Variants in COL4A5 observed in about 807,000 individuals in gnomAD.
The protein encoded by COL4A5 is collagen type IV alpha 5 chain.
In COL4A5, 26 loss-of-function variants were observed where a neutral mutation model predicts 130.2. The ratio of observed to expected loss-of-function variants is 0.20; its 90% confidence interval spans 0.15 to 0.28. The LOEUF is 0.28. COL4A5 is among the 10% of genes least tolerant of loss of function. COL4A5 has a pLI of 1.00. For synonymous variants in COL4A5, 496 were observed against 439.6 expected (o/e 1.13, Z -1.60); for missense variants, 1,131 against 1,344.3 (o/e 0.84, Z 2.48).
chrX:108,600,221 T>G (rs2066602843), intron 25 of COL4A5, among the ~76,000 whole-genome samples: 1 of 112,036 alleles, frequency 8.9e-6, no homozygotes, highest in Non-Finnish European at 1.9e-5. Flanking sequence ...TCTTTATATA[T>G]TCTGTGCATT....
chrX:108,513,992 G>C (rs2065201352), intron 1 of COL4A5, among the ~76,000 whole-genome samples: 1 of 111,813 alleles, frequency 8.9e-6, no homozygotes, highest in Admixed American at 9.5e-5. Context: ...CAGTATTCCA[G>C]TACCATTTTT....
intron 1 of COL4A5, among the ~76,000 whole-genome samples, chrX:108,534,328 A>G (rs1309050782): frequency 5.4e-5 from 6 of 112,112 alleles, no homozygotes; most frequent in African/African-American, 1.6e-4. Context: ...AAGATATGCA[A>G]TTAACCTAAG....
chrX:108,510,891 A>G, intron 1 of COL4A5, among the ~76,000 whole-genome samples: 1 of 111,394 alleles, frequency 9.0e-6, no homozygotes, highest in East Asian at 2.8e-4. Context: ...CATGGGGTGC[A>G]TAGTGATGTT....
chrX:108,461,206 A>G (rs1427061472), intron 1 of COL4A5, among the ~76,000 whole-genome samples: 2 of 111,999 alleles, frequency 1.8e-5, no homozygotes, highest in Non-Finnish European at 3.8e-5. Context: ...GAATTTGCAG[A>G]TTGACAACCT....
chrX:108,502,574 C>T (rs768223946), intron 1 of COL4A5, among the ~76,000 whole-genome samples: 7 of 111,974 alleles, frequency 6.3e-5, no homozygotes, highest in South Asian at 3.7e-4. Flanking sequence ...CATGAGCCAC[C>T]GCGCCCGGCT....
intron 1 of COL4A5, among the ~76,000 whole-genome samples, chrX:108,497,596 T>G (rs1325009139): frequency 9.0e-6 from 1 of 111,644 alleles, no homozygotes; most frequent in African/African-American, 3.3e-5. Context: ...CCTTTAGCAA[T>G]TAGTTGAAAT....
intron 2 of COL4A5, among the ~76,000 whole-genome samples, chrX:108,545,924 T>A (rs2065643175): frequency 9.0e-6 from 1 of 111,505 alleles, no homozygotes; most frequent in Non-Finnish European, 1.9e-5. Context: ...GAGACTAGGA[T>A]TGCAACCCCT....
At chrX:108,502,477 G>GT (rs1225606331) in intron 1 of COL4A5, among the ~76,000 whole-genome samples, 1 of 109,822 alleles carries the variant, frequency 9.1e-6, no homozygotes, top group South Asian at 4.0e-4. Context: ...TAGAGACGGG[G>GT]TTTTTCCATG....
chrX:108,486,739 G>A (rs772390238), intron 1 of COL4A5, among the ~76,000 whole-genome samples: 59 of 111,933 alleles, frequency 5.3e-4, no homozygotes, highest in Non-Finnish European at 1.0e-3. Context: ...TGCTGCCAAA[G>A]CCATTATTTC....
At position 108,473,633 on chromosome X, in the gene COL4A5, A is replaced by ATATATTTTTT; in HGVS notation, c.81+33428_81+33429insATATTTTTTT. On this transcript the variant is annotated intron_variant, in intron 1 of 52. Coordinates refer to ENST00000328300, the MANE Select transcript of COL4A5 (RefSeq NM_033380.3). ...TATATGTATATATATATATATATATATTTTTTTTTTTTTGAGATGAAGTCT... is the reference window on the plus strand; with the variant it reads ...TATATGTATATATATATATATATATATATATTTTTTTTTTTTTTTTTTTGAGATGAAGTCT... Among the ~76,000 whole-genome samples the ATATATTTTTT allele has an allele frequency of 9.3e-4, 32 of 34,554 alleles. No individual in the cohort carries two copies. The East Asian group carries it at 0.011, about 12-fold the overall frequency. 30.0% of individuals were successfully genotyped at this position (34,554 alleles called of 115,157 possible).
intron 2 of COL4A5, among the ~76,000 whole-genome samples, chrX:108,548,060 G>T (rs754369180): frequency 2.3e-4 from 26 of 111,621 alleles, no homozygotes; most frequent in African/African-American, 8.1e-4. Flanking sequence ...CACTTCCCGG[G>T]TGAGGCGATG....
At chrX:108,448,061 T>G (rs181989194) in intron 1 of COL4A5, among the ~76,000 whole-genome samples, 17 of 112,133 alleles carry the variant, frequency 1.5e-4, no homozygotes, top group African/African-American at 5.2e-4. Context: ...ACTTTGTGCC[T>G]TTAGCAGCTT....
chrX:108,600,671 T>C (rs1269432101), intron 25 of COL4A5, among the ~76,000 whole-genome samples: 18 of 109,557 alleles, frequency 1.6e-4, no homozygotes, highest in African/African-American at 5.7e-4. Flanking sequence ...GATAGATAGA[T>C]AGATAGATAG....
At chrX:108,677,236 G>A (rs867685353) in intron 43 of COL4A5, among the ~76,000 whole-genome samples, 1 of 112,121 alleles carries the variant, frequency 8.9e-6, no homozygotes, top group Middle Eastern at 4.6e-3. Context: ...GTTAAGCCAT[G>A]AGTCTTTTTC....
At chrX:108,626,746 T>G (rs1282621530) in intron 36 of COL4A5, 1 of 853,190 alleles carries the variant, frequency 1.2e-6, no homozygotes, top group Non-Finnish European at 1.4e-6. Flanking sequence ...TGTAGTAGTA[T>G]TCTTAACTGC....
At chrX:108,499,753 TC>T (rs1186208222) in intron 1 of COL4A5, among the ~76,000 whole-genome samples, 2 of 111,930 alleles carry the variant, frequency 1.8e-5, no homozygotes, top group African/African-American at 6.5e-5. Context: ...ATGTAACTAG[TC>T]CCCTACATAA....
chrX:108,591,338 A>G, intron 20 of COL4A5, 107 bp downstream of exon 20: 1 of 805,761 alleles, frequency 1.2e-6, no homozygotes, highest in South Asian at 2.4e-5. Context: ...TCTGATATCT[A>G]AGAAATTCTA....
At position 108,681,835 on chromosome X, in the gene COL4A5, G is replaced by A; in HGVS notation, c.4163G>A (p.Gly1388Asp). Residue 1388 changes from glycine (G) to aspartate (D), a missense_variant, in exon 47 of 53, where the codon GGC becomes GAC. Gly to Asp is a moderately conservative substitution (Grantham distance 94). Transcript: ENST00000328300. ...GATGCTGGTCCTCCAGGAATCCCTG[G>A]CCAGCCTGGGCTAAAGGGTCTACCA... Reference protein sequence around the residue: ...KGDAGPPGIPGQPGLKGLPGP... With the variant: ...KGDAGPPGIPDQPGLKGLPGP... 1 of 1,210,303 alleles carries A rather than the reference G, an allele frequency of 8.3e-7. No homozygotes were observed.
At chrX:108,678,801 A>G (rs2068362456) in intron 44 of COL4A5, among the ~76,000 whole-genome samples, 1 of 111,667 alleles carries the variant, frequency 9.0e-6, no homozygotes, top group South Asian at 3.7e-4. Context: ...GTTGGGTCCA[A>G]TGACCTAATA....
Sources: gnomAD v4.1 joint callset for allele counts (sites outside exome capture counted in the v4.1 genomes callset) on GRCh38, gnomAD v4.1.1 for gene constraint, MANE v1.5 for transcripts, NCBI Gene and HGNC (gene_info 2026-07-23, HGNC 2026-07-21) for gene names.